PDLIM5: variants seen among roughly 807,000 people sequenced by gnomAD.
PDLIM5 encodes the protein PDZ and LIM domain protein 5.
Under a neutral mutation model 64.2 loss-of-function variants are expected in PDLIM5, and 34 were observed. The observed-to-expected ratio is 0.53, with a 90% confidence interval of 0.40 to 0.71. The LOEUF (loss-of-function observed/expected upper bound fraction) is 0.71, where lower values mean the gene tolerates loss of function less well. Ranked by LOEUF, PDLIM5 falls within the 30% of genes least tolerant of loss-of-function variation. The pLI is 0.00. For synonymous variants in PDLIM5, 253 were observed against 269.1 expected (o/e 0.94, Z 0.59); for missense variants, 683 against 733.6 (o/e 0.93, Z 0.80).
chr4:94,615,497 T>C (rs1413987741), intron 7 of PDLIM5, among the ~76,000 whole-genome samples: 1 of 152,082 alleles, frequency 6.6e-6, no homozygotes, highest in East Asian at 1.9e-4. Flanking sequence ...TAGGAAGAGG[T>C]ACCTCGTATA....
At chr4:94,627,334 C>T (rs1037843261) in intron 8 of PDLIM5, among the ~76,000 whole-genome samples, 2 of 152,162 alleles carry the variant, frequency 1.3e-5, no homozygotes, top group Non-Finnish European at 2.9e-5. Context: ...ATTGTTCCTT[C>T]ATTGAAATTT....
chr4:94,513,162 T>G (rs1382797905), intron 2 of PDLIM5, among the ~76,000 whole-genome samples: 3 of 152,188 alleles, frequency 2.0e-5, no homozygotes, highest in Non-Finnish European at 4.4e-5. Context: ...AATAAGGTAA[T>G]GTGATTCCTC....
At position 94,666,050 on chromosome 4, in the gene PDLIM5, T is replaced by G. The variant is rs1743067508; in HGVS notation, c.*1983T>G. 2 of 1,529,460 alleles carry G rather than the reference T, an allele frequency of 1.3e-6. No individual in the cohort carries two copies. Among genetic ancestry groups the G allele is most frequent in the South Asian group, 1.2e-5 (1 of 83,724 alleles). The allele number at this position is 1,529,460 out of a possible 1,614,324, so 94.7% of individuals were successfully genotyped here. ...AATGGATGAAAGTCCATGAACCTCC[T>G]AAGTTATAATTTAAATTTGTTTGGG... is the stretch of plus-strand genomic sequence containing the variant. On this transcript the variant is annotated 3_prime_UTR_variant, in exon 13 of 13. Coordinates refer to ENST00000317968, the MANE Select transcript of PDLIM5 (RefSeq NM_006457.5).
At chr4:94,477,374 T>C (rs1322635077) in intron 2 of PDLIM5, among the ~76,000 whole-genome samples, 5 of 152,228 alleles carry the variant, frequency 3.3e-5, no homozygotes, top group African/African-American at 1.2e-4. Context: ...AATTTTGGCA[T>C]GCAGTCCAGC....
At chr4:94,477,378 G>T (rs547952508) in intron 2 of PDLIM5, among the ~76,000 whole-genome samples, 17 of 152,292 alleles carry the variant, frequency 1.1e-4, no homozygotes, top group African/African-American at 3.8e-4. Context: ...TTGGCATGCA[G>T]TCCAGCTTGG....
intron 9 of PDLIM5, 141 bp downstream of exon 9, chr4:94,640,591 A>C (rs1371387791): frequency 2.0e-6 from 1 of 504,088 alleles, no homozygotes; most frequent in Non-Finnish European, 3.5e-6. Flanking sequence ...ATTATTGAGT[A>C]AATACGAATA....
intron 2 of PDLIM5, among the ~76,000 whole-genome samples, chr4:94,515,962 T>C (rs966676726): frequency 6.6e-6 from 1 of 152,248 alleles, no homozygotes; most frequent in African/African-American, 2.4e-5. Context: ...TCTAGTAGGA[T>C]ATTCACACAT....
At position 94,665,920 on chromosome 4, in the gene PDLIM5, A is replaced by G. The variant is rs1743059081; in HGVS notation, c.*1853A>G. The G allele has an allele frequency of 1.3e-6, 2 of 1,501,108 alleles. No homozygotes were observed. The highest frequency in any genetic ancestry group is 1.8e-6 in the Non-Finnish European group (2 of 1,133,068). 93.0% of individuals were successfully genotyped at this position (1,501,108 alleles called of 1,614,324 possible). A position where few individuals can be genotyped will look rare whatever the true frequency, so the allele number is the denominator to read the frequency against. ...GGGAAAAGAATTATGTAGATACCACATGGAGACAGGGAAACAATTGTGGTA... is the reference window on the plus strand; with the variant it reads ...GGGAAAAGAATTATGTAGATACCACGTGGAGACAGGGAAACAATTGTGGTA... On this transcript the variant is annotated 3_prime_UTR_variant, in exon 13 of 13. Coordinates refer to ENST00000317968, the MANE Select transcript of PDLIM5 (RefSeq NM_006457.5).
At chr4:94,640,979 G>A (rs998858369) in intron 9 of PDLIM5, among the ~76,000 whole-genome samples, 9 of 152,246 alleles carry the variant, frequency 5.9e-5, no homozygotes, top group East Asian at 5.8e-4. Flanking sequence ...TTTAAAATAC[G>A]TTTTATCCCA....
In PDLIM5 at chr4:94,498,762, G is replaced by T. The variant is rs140373180; in HGVS notation, c.97-24962G>T. Among the ~76,000 whole-genome samples, 185 of 152,130 alleles carry T rather than the reference G, an allele frequency of 1.2e-3. 1 individual carries two copies. The highest frequency in any genetic ancestry group is 1.0e-3 in the Non-Finnish European group (68 of 67,980). Reference sequence around the variant, plus strand: ...TCTGAATCATAAGTAAAGTTTTGAGGGTTTTTCTCCTCCTCTCACATTTGT... The same window carrying T: ...TCTGAATCATAAGTAAAGTTTTGAGTGTTTTTCTCCTCCTCTCACATTTGT... On this transcript the variant is annotated intron_variant, in intron 2 of 12. Transcript: ENST00000317968.
Position 94,469,960 on chromosome 4 carries a change from A to ATTTTTTTTTT in PDLIM5, c.96+14591_96+14600dup, listed in dbSNP as rs34572366. 1.9e-3 allele frequency among the ~76,000 whole-genome samples: 133 copies of ATTTTTTTTTT among 71,578 alleles called. 5 individuals carry two copies. Among genetic ancestry groups the ATTTTTTTTTT allele is most frequent in the African/African-American group, 7.2e-3 (118 of 16,390 alleles). 47.0% of individuals were successfully genotyped at this position (71,578 alleles called of 152,430 possible). On this transcript the variant is annotated intron_variant, in intron 2 of 12. Transcript: ENST00000317968. Reference sequence around the variant, plus strand: ...ATTTTTCCTATTTTGCATTCTTTTAATTTTTTTTTTTTTTTTTTTTTTTTG... The same window carrying ATTTTTTTTTT: ...ATTTTTCCTATTTTGCATTCTTTTAATTTTTTTTTTTTTTTTTTTTTTTTTTTTTTTTTTG...
chr4:94,659,957 C>T (rs1742547852), intron 11 of PDLIM5, among the ~76,000 whole-genome samples: 1 of 149,998 alleles, frequency 6.7e-6, no homozygotes, highest in African/African-American at 2.5e-5. Context: ...AGTGCAGTGG[C>T]CCGATCTCGG....
Position 94,665,481 on chromosome 4 carries a change from TAAAAAAAAAAAA to T in PDLIM5, c.*1428_*1439del, listed in dbSNP as rs10706955. ...GGTGACAGAGCAAGACTCCGGCTCT[TAAAAAAAAAAAA>T]AAAAAAAAAAAAAGAGAGAGAGAGA... is the stretch of plus-strand genomic sequence containing the variant. On this transcript the variant is annotated 3_prime_UTR_variant, in exon 13 of 13. Coordinates refer to ENST00000317968, the MANE Select transcript of PDLIM5 (RefSeq NM_006457.5). 8.9e-5 allele frequency: 40 copies of T among 449,572 alleles called. No homozygotes were observed. The highest frequency in any genetic ancestry group is 1.9e-4 in the Admixed American group (1 of 5,300). 27.8% of individuals were successfully genotyped at this position (449,572 alleles called of 1,614,324 possible).
At chr4:94,567,068 A>G (rs1229056600) in intron 3 of PDLIM5, among the ~76,000 whole-genome samples, 1 of 152,208 alleles carries the variant, frequency 6.6e-6, no homozygotes, top group Non-Finnish European at 1.5e-5. Flanking sequence ...ACCTCGGCTC[A>G]CTGCAAGCTC....
chr4:94,638,046 T>A (rs1740709143), intron 8 of PDLIM5, among the ~76,000 whole-genome samples: 1 of 152,220 alleles, frequency 6.6e-6, no homozygotes, highest in Non-Finnish European at 1.5e-5. Context: ...GGGAGAATTC[T>A]AGCATCTAGG....
At chr4:94,552,293 T>C (rs1250215833) in intron 3 of PDLIM5, among the ~76,000 whole-genome samples, 3 of 152,138 alleles carry the variant, frequency 2.0e-5, no homozygotes, top group Non-Finnish European at 1.5e-5. Flanking sequence ...TACTCTAGTA[T>C]AATTTAAAAA....
At chr4:94,609,573 G>A (rs17021906) in intron 7 of PDLIM5, among the ~76,000 whole-genome samples, 9 of 152,068 alleles carry the variant, frequency 5.9e-5, no homozygotes, top group East Asian at 1.9e-4. Flanking sequence ...GTTTATTTTC[G>A]CAAAGGTACT....
intron 3 of PDLIM5, among the ~76,000 whole-genome samples, chr4:94,530,392 T>C (rs1485256456): frequency 1.3e-5 from 2 of 152,140 alleles, no homozygotes; most frequent in African/African-American, 4.8e-5. Context: ...TTCTGCTCAC[T>C]TTAAGGTGAA....
intron 2 of PDLIM5, among the ~76,000 whole-genome samples, chr4:94,476,655 G>C (rs534414716): frequency 4.6e-5 from 7 of 152,194 alleles, no homozygotes; most frequent in Admixed American, 3.3e-4. Flanking sequence ...TTGTTGTTCT[G>C]CAGTATTGGT....
Sources: gnomAD v4.1 joint callset for allele counts (sites outside exome capture counted in the v4.1 genomes callset) on GRCh38, gnomAD v4.1.1 for gene constraint, MANE v1.5 for transcripts, NCBI Gene and HGNC (gene_info 2026-07-23, HGNC 2026-07-21) for gene names.